ETV6: variants seen among roughly 807,000 people sequenced by gnomAD.
The protein encoded by ETV6 is transcription factor ETV6.
Under a neutral mutation model 51.1 loss-of-function variants are expected in ETV6, and 16 were observed. The observed-to-expected ratio is 0.31, with a 90% CI of 0.21 to 0.48. The LOEUF (loss-of-function observed/expected upper bound fraction) is 0.48. ETV6 is among the 20% of genes least tolerant of loss of function. The pLI is 0.99. For missense variants in ETV6, 458 were observed against 594.8 expected (o/e 0.77, Z 2.39); for synonymous variants, 240 against 224.1 (o/e 1.07, Z -0.64).
rs751277647 is a variant in ETV6 at position 11,869,836 on chromosome 12, C to G, written c.876C>G (p.Leu292=). The G allele has an allele frequency of 1.8e-5, 29 of 1,613,430 alleles. No individual in the cohort carries two copies. The highest frequency in any genetic ancestry group is 2.2e-5 in the Non-Finnish European group (26 of 1,180,046). The part of the protein sequence containing the change: ...RHSVDFKQSR[L]SEDGLHREGK... ...CCGTGGATTTCAAACAGTCCAGGCT[C>G]TCCGAGGACGGGCTGCATAGGGAAG... The change falls in exon 5 of 8, where the codon CTC becomes CTG. Residue 292 remains leucine (L), a synonymous_variant. Transcript: ENST00000396373. This position sits in a 1 kb window ranked among gnomAD's most constrained non-coding sequence, Gnocchi z 5.0.
chr12:11,877,911 C>T (rs915378461), intron 5 of ETV6, among the ~76,000 whole-genome samples: 12 of 152,346 alleles, frequency 7.9e-5, no homozygotes, highest in Non-Finnish European at 5.9e-5. Flanking sequence ...CCCCCCCTGC[C>T]TCACTGCTGA....
intron 2 of ETV6, among the ~76,000 whole-genome samples, chr12:11,816,458 G>A (rs1296796121): frequency 3.9e-5 from 6 of 152,156 alleles, no homozygotes; most frequent in Non-Finnish European, 1.5e-5. Context: ...ATGTTAGCCA[G>A]GATGGTCTCG....
chr12:11,773,495 G>T (rs1945272893), intron 2 of ETV6, among the ~76,000 whole-genome samples: 1 of 152,122 alleles, frequency 6.6e-6, no homozygotes, highest in Non-Finnish European at 1.5e-5. Flanking sequence ...GCACTGTCTG[G>T]TTCAAATATA....
At position 11,893,495 on chromosome 12, in the gene ETV6, A is replaced by G. The variant is rs2855749; in HGVS notation, c.*2449A>G. On this transcript the variant is annotated 3_prime_UTR_variant, in exon 8 of 8. Transcript: ENST00000396373. ...CTTGAAGAAGAAATAGAAGGCGCTC[A>G]TTCCAATATAGTCTTTATTTCCCAT... 63,649 of 231,194 alleles carry G rather than the reference A, an allele frequency of 0.28. 9,953 individuals carry two copies. The highest frequency in any genetic ancestry group is 0.4 in the East Asian group (6,539 of 16,272). The allele number at this position is 231,194 out of a possible 1,614,324, so 14.3% of individuals were successfully genotyped here. A position where few individuals can be genotyped will look rare whatever the true frequency, so the allele number is the denominator to read the frequency against.
intron 1 of ETV6, chr12:11,751,700 G>A (rs895203358): frequency 2.7e-6 from 1 of 376,656 alleles, no homozygotes; most frequent in South Asian, 2.0e-5. Context: ...TTGATAAGGG[G>A]TCAAACAGTA....
intron 1 of ETV6, among the ~76,000 whole-genome samples, chr12:11,722,286 T>C (rs765998522): frequency 1.4e-4 from 21 of 152,322 alleles, no homozygotes; most frequent in Non-Finnish European, 2.9e-4. Flanking sequence ...GTAGAGGTGC[T>C]AATGAACAGT....
At chr12:11,777,056 G>A (rs899969068) in intron 2 of ETV6, among the ~76,000 whole-genome samples, 2 of 152,144 alleles carry the variant, frequency 1.3e-5, no homozygotes, top group African/African-American at 2.4e-5. Context: ...GGCTAACACA[G>A]TGAAACCCCG....
intron 1 of ETV6, among the ~76,000 whole-genome samples, chr12:11,659,714 C>T (rs181787688): frequency 3.9e-5 from 6 of 152,234 alleles, no homozygotes; most frequent in East Asian, 1.9e-4. Flanking sequence ...TTTAAAAAAT[C>T]GAACCCCAGA....
intron 2 of ETV6, among the ~76,000 whole-genome samples, chr12:11,760,878 A>ATGTATGTGTGTG (rs1555125117): frequency 6.7e-6 from 1 of 148,426 alleles, no homozygotes; most frequent in Non-Finnish European, 1.5e-5. Flanking sequence ...TATTATATAT[A>ATGTATGTGTGTG]TGTGTGTGTG....
At chr12:11,661,449 A>G (rs959602346) in intron 1 of ETV6, among the ~76,000 whole-genome samples, 6 of 152,182 alleles carry the variant, frequency 3.9e-5, no homozygotes, top group African/African-American at 1.4e-4. Context: ...ACAGCAGGAC[A>G]CTCTCACTTT....
intron 1 of ETV6, among the ~76,000 whole-genome samples, chr12:11,683,344 A>G (rs112440123): frequency 3.7e-4 from 56 of 152,316 alleles, no homozygotes; most frequent in African/African-American, 1.3e-3. Flanking sequence ...GAGCCAGGCC[A>G]TGTTTGAATT....
chr12:11,687,133 A>G (rs981035465), intron 1 of ETV6, among the ~76,000 whole-genome samples: 21 of 151,468 alleles, frequency 1.4e-4, no homozygotes, highest in African/African-American at 4.9e-4. Flanking sequence ...ATGATCTGCT[A>G]GCCTTGGCTT....
At chr12:11,735,949 T>A (rs969739471) in intron 1 of ETV6, among the ~76,000 whole-genome samples, 2 of 152,246 alleles carry the variant, frequency 1.3e-5, no homozygotes, top group African/African-American at 4.8e-5. Flanking sequence ...ATCCCAAGTT[T>A]TTAGTCTTTA....
At chr12:11,846,720 G>C (rs923374419) in intron 3 of ETV6, among the ~76,000 whole-genome samples, 4 of 152,164 alleles carry the variant, frequency 2.6e-5, no homozygotes, top group African/African-American at 9.7e-5. Context: ...AAATATCATG[G>C]GATACACGGT....
At chr12:11,831,526 TTAAA>T (rs1946245791) in intron 2 of ETV6, among the ~76,000 whole-genome samples, 1 of 152,126 alleles carries the variant, frequency 6.6e-6, no homozygotes, top group Non-Finnish European at 1.5e-5. Context: ...CACCCAGCCC[TTAAA>T]TAGTTTTTTA....
intron 1 of ETV6, among the ~76,000 whole-genome samples, chr12:11,675,296 A>C (rs1005222010): frequency 6.6e-6 from 1 of 152,230 alleles, no homozygotes; most frequent in Non-Finnish European, 1.5e-5. Flanking sequence ...ACAAAGAGCA[A>C]AAATAAAGCA....
At chr12:11,851,707 G>A (rs950814839) in intron 3 of ETV6, among the ~76,000 whole-genome samples, 4 of 152,188 alleles carry the variant, frequency 2.6e-5, no homozygotes, top group African/African-American at 9.7e-5. Context: ...ATTTAGTCAT[G>A]ATACTAAGTA....
chr12:11,817,686 C>T (rs1946012928), intron 2 of ETV6, among the ~76,000 whole-genome samples: 1 of 152,136 alleles, frequency 6.6e-6, no homozygotes, highest in Non-Finnish European at 1.5e-5. Flanking sequence ...CACACAGCAC[C>T]CCGAGGCCTG....
chr12:11,894,001 C>A lies in ETV6; in HGVS notation c.*2955C>A. The A allele has an allele frequency of 4.4e-6, 1 of 225,010 alleles. No homozygotes were observed. Among genetic ancestry groups the A allele is most frequent in the Non-Finnish European group, 8.8e-6 (1 of 113,056 alleles). The allele number at this position is 225,010 out of a possible 1,614,324, so 13.9% of individuals were successfully genotyped here. ...TTCCCCTAACTGCAAATGTCCTCTT[C>A]ATTTGTTCTTTATGAGAAAACCCGG... On this transcript the variant is annotated 3_prime_UTR_variant, in exon 8 of 8. Transcript: ENST00000396373.
Sources: allele counts gnomAD v4.1 joint callset (sites outside exome capture counted in the v4.1 genomes callset), GRCh38; gene constraint gnomAD v4.1.1; non-coding constraint Gnocchi (gnomAD v3.1); transcripts MANE v1.5; gene names NCBI Gene and HGNC (gene_info 2026-07-23, HGNC 2026-07-21).